Variants in MYT1L observed in about 807,000 individuals in gnomAD.
MYT1L encodes the protein myelin transcription factor 1 like.
Under a neutral mutation model 126.7 loss-of-function variants are expected in MYT1L, and 12 were observed. The ratio of observed to expected loss-of-function variants is 0.09; its 90% CI spans 0.06 to 0.15. MYT1L has a LOEUF of 0.15. Among genes scored for constraint, MYT1L ranks in the 10% least tolerant of loss-of-function variants. MYT1L has a pLI of 1.00. For missense variants in MYT1L, 979 were observed against 1,585.2 expected (o/e 0.62, Z 6.49); for synonymous variants, 541 against 604.2 (o/e 0.90, Z 1.53).
At chr2:1,980,805 T>C (rs941210524) in intron 5 of MYT1L, among the ~76,000 whole-genome samples, 1 of 152,122 alleles carries the variant, frequency 6.6e-6, no homozygotes, top group Non-Finnish European at 1.5e-5. Flanking sequence ...GTATGTTTGT[T>C]CACCAAACAT....
intron 3 of MYT1L, among the ~76,000 whole-genome samples, chr2:2,095,587 T>C (rs2150419029): frequency 6.6e-6 from 1 of 151,774 alleles, no homozygotes; most frequent in Non-Finnish European, 1.5e-5. Flanking sequence ...CAAGGAATTC[T>C]TGGTTTTCAC....
chr2:1,851,492 G>T, intron 19 of MYT1L, 149 bp downstream of exon 19: 1 of 719,058 alleles, frequency 1.4e-6, no homozygotes, highest in Non-Finnish European at 2.4e-6. Flanking sequence ...CAATGAGGAC[G>T]TCACTGCTTT....
intron 21 of MYT1L, among the ~76,000 whole-genome samples, chr2:1,813,006 C>G (rs1288078281): frequency 6.6e-6 from 1 of 152,100 alleles, no homozygotes; most frequent in Non-Finnish European, 1.5e-5. Context: ...GACGCCTGGT[C>G]GGTCCACGGT....
Position 2,286,903 on chromosome 2 carries a change from T to C in MYT1L, c.-520-2400A>G, listed in dbSNP as rs116078158. On this transcript the variant is annotated intron_variant, in intron 1 of 24. Coordinates refer to ENST00000647738, the MANE Select transcript of MYT1L (RefSeq NM_001303052.2). ...AGACTTAGTGTCAAAGCGATGTCAC[T>C]AGGTTCTATTTCCCATTCTGTTATC... is the stretch of plus-strand genomic sequence containing the variant. 2.4e-3 allele frequency among the ~76,000 whole-genome samples: 362 copies of C among 152,308 alleles called. 2 individuals are homozygous for C. The highest frequency in any genetic ancestry group is 8.3e-3 in the African/African-American group (346 of 41,564).
chr2:1,971,175 T>C (rs1052310517), intron 8 of MYT1L, among the ~76,000 whole-genome samples: 11 of 151,448 alleles, frequency 7.3e-5, no homozygotes, highest in African/African-American at 2.4e-4. Flanking sequence ...GGTGAGACTC[T>C]GTCCCTTTAA....
intron 3 of MYT1L, among the ~76,000 whole-genome samples, chr2:2,093,242 C>A (rs950204476): frequency 6.7e-5 from 10 of 149,248 alleles, no homozygotes; most frequent in Non-Finnish European, 1.5e-4. Flanking sequence ...TGTTAGGATA[C>A]CTGGAGTGGA....
chr2:2,120,338 T>A (rs1456929154), intron 3 of MYT1L, among the ~76,000 whole-genome samples: 1 of 152,176 alleles, frequency 6.6e-6, no homozygotes, highest in Non-Finnish European at 1.5e-5. Context: ...CCTGGGCCTC[T>A]GTTTTCTCAT....
Position 2,295,713 on chromosome 2 carries a change from C to CAG in MYT1L, c.-520-11212_-520-11211dup, listed in dbSNP as rs1229343280. Among the ~76,000 whole-genome samples the CAG allele has an allele frequency of 6.3e-4, 16 of 25,536 alleles. 1 individual carries two copies. Among genetic ancestry groups the CAG allele is most frequent in the African/African-American group, 1.9e-3 (14 of 7,300 alleles). The allele number at this position is 25,536 out of a possible 152,430, so 16.8% of individuals were successfully genotyped here. Reference sequence around the variant, plus strand: ...AGAGAGAGAGAGAGAGACAGACAGACAGAGAGAGAGATAGAGAGACAGACA... The same window carrying CAG: ...AGAGAGAGAGAGAGAGACAGACAGACAGAGAGAGAGAGATAGAGAGACAGACA... On this transcript the variant is annotated intron_variant, in intron 1 of 24. Coordinates refer to ENST00000647738, the MANE Select transcript of MYT1L (RefSeq NM_001303052.2).
At chr2:2,210,130 T>A (rs937880272) in intron 2 of MYT1L, among the ~76,000 whole-genome samples, 8 of 152,236 alleles carry the variant, frequency 5.3e-5, no homozygotes, top group African/African-American at 1.9e-4. Context: ...TGTCCATTTT[T>A]AATTGACATT....
intron 2 of MYT1L, among the ~76,000 whole-genome samples, chr2:2,245,450 C>A (rs2094517053): frequency 6.6e-6 from 1 of 152,008 alleles, no homozygotes; most frequent in Non-Finnish European, 1.5e-5. Context: ...AGCTTTGAGG[C>A]TTGGCAACAT....
chr2:1,910,000 C>T (rs2051684630), intron 13 of MYT1L, among the ~76,000 whole-genome samples: 3 of 152,150 alleles, frequency 2.0e-5, no homozygotes, highest in Non-Finnish European at 4.4e-5. Flanking sequence ...TGATTTCCTC[C>T]AATTCTCTCA....
At chr2:2,310,916 A>G (rs997153857) in intron 1 of MYT1L, among the ~76,000 whole-genome samples, 1 of 152,258 alleles carries the variant, frequency 6.6e-6, no homozygotes, top group Non-Finnish European at 1.5e-5. Flanking sequence ...GAGGGCTCAC[A>G]ACAACATTCC....
intron 2 of MYT1L, among the ~76,000 whole-genome samples, chr2:2,212,734 G>A (rs571824905): frequency 4.6e-5 from 7 of 152,194 alleles, no homozygotes; most frequent in Admixed American, 2.0e-4. Flanking sequence ...TGTTCTCATG[G>A]TTGTAGTCAT....
At chr2:1,960,293 C>T (rs1486469413) in intron 8 of MYT1L, among the ~76,000 whole-genome samples, 1 of 152,156 alleles carries the variant, frequency 6.6e-6, no homozygotes, top group Non-Finnish European at 1.5e-5. Context: ...TGGACTAGAC[C>T]TGGAAGAATC....
intron 17 of MYT1L, chr2:1,886,942 T>C (rs1403559695): frequency 2.5e-6 from 1 of 402,906 alleles, no homozygotes; most frequent in Non-Finnish European, 4.4e-6. Context: ...GGTCAACATA[T>C]AGCACTTAAA....
intron 23 of MYT1L, among the ~76,000 whole-genome samples, chr2:1,792,806 G>T (rs1417686132): frequency 7.0e-6 from 1 of 141,958 alleles, no homozygotes; most frequent in African/African-American, 2.6e-5. Flanking sequence ...AGAGGCGGAG[G>T]TTGCAGTGAG....
At chr2:2,016,513 C>T (rs1317680529) in intron 4 of MYT1L, among the ~76,000 whole-genome samples, 1 of 152,214 alleles carries the variant, frequency 6.6e-6, no homozygotes, top group South Asian at 2.1e-4. Flanking sequence ...CCAAGCCAGA[C>T]AATTCCTCAG....
chr2:2,141,628 A>C (rs1406883010), intron 3 of MYT1L, among the ~76,000 whole-genome samples: 1 of 152,164 alleles, frequency 6.6e-6, no homozygotes, highest in Non-Finnish European at 1.5e-5. Context: ...GTCCACTTAA[A>C]ATGTATTTTG....
rs559476381 is a variant in MYT1L, at chr2:1,919,517, A to G, written c.1484-2178T>C. Among the ~76,000 whole-genome samples, 7 of 152,316 alleles carry G rather than the reference A, an allele frequency of 4.6e-5. No individual in the cohort carries two copies. The South Asian group carries it at 1.4e-3, about 32-fold the overall frequency. ...GTCCATGATCCAGGCCTTTTGCATTAGCTCAAGATTTTGGAAATGTTACTC... is the reference window on the plus strand; with the variant it reads ...GTCCATGATCCAGGCCTTTTGCATTGGCTCAAGATTTTGGAAATGTTACTC... On this transcript the variant is annotated intron_variant, in intron 10 of 24. Transcript: ENST00000647738.
Sources: gnomAD v4.1 joint callset for allele counts (sites outside exome capture counted in the v4.1 genomes callset) on GRCh38, gnomAD v4.1.1 for gene constraint, MANE v1.5 for transcripts, NCBI Gene and HGNC (gene_info 2026-07-23, HGNC 2026-07-21) for gene names.